TJP2: variants seen among roughly 807,000 people sequenced by gnomAD.
The protein encoded by TJP2 is tight junction protein 2.
A neutral mutation model predicts 133.1 loss-of-function variants in TJP2; 91 were observed. The observed-to-expected ratio is 0.68, with a 90% CI of 0.58 to 0.81. TJP2 has a LOEUF of 0.81. Ranked by LOEUF, TJP2 falls within the 40% of genes least tolerant of loss-of-function variation. The pLI, the probability that TJP2 is intolerant of heterozygous loss-of-function variation, is 0.00. For missense variants in TJP2, 1,541 were observed against 1,565.6 expected (o/e 0.98, Z 0.26); for synonymous variants, 592 against 583.4 (o/e 1.01, Z -0.21).
chr9:69,225,081 T>C (rs983138100), intron 5 of TJP2, among the ~76,000 whole-genome samples: 2 of 152,230 alleles, frequency 1.3e-5, no homozygotes, highest in African/African-American at 4.8e-5. Context: ...AGTTCATGCA[T>C]TGCATTTGGT....
intron 12 of TJP2, among the ~76,000 whole-genome samples, chr9:69,235,677 T>G (rs1033759317): frequency 3.3e-5 from 5 of 152,148 alleles, no homozygotes; most frequent in African/African-American, 1.2e-4. Context: ...GGCCCTCAAC[T>G]GATTGGATGA....
intron 1 of TJP2, among the ~76,000 whole-genome samples, chr9:69,137,262 TTTC>T (rs1458390441): frequency 8.7e-5 from 7 of 80,190 alleles, no homozygotes; most frequent in Admixed American, 2.7e-4. Context: ...TCTTTCTTTC[TTTC>T]TTTCTTTTTC....
At chr9:69,202,771 G>A (rs551046484) in intron 1 of TJP2, among the ~76,000 whole-genome samples, 2 of 152,146 alleles carry the variant, frequency 1.3e-5, no homozygotes, top group East Asian at 3.9e-4. Context: ...GGTGGAGGAG[G>A]TGAAGGGGAG....
chr9:69,253,069 G>A, intron 22 of TJP2, 169 bp downstream of exon 22: 1 of 660,136 alleles, frequency 1.5e-6, no homozygotes, highest in Non-Finnish European at 2.7e-6. Context: ...AGATTACAGA[G>A]TCAAAACTTA....
rs184271014 is a variant in TJP2 at position 69,254,526 on chromosome 9, C to T, written c.*152C>T. On this transcript the variant is annotated 3_prime_UTR_variant, in exon 23 of 23. Transcript: ENST00000377245. The stretch of plus-strand genomic sequence containing the variant: ...GTGTCCTCATGGAGAACCCAGGGGA[C>T]AGCTGGTGCAAATTCAGAACTGAGG... 1.0e-6 allele frequency: 1 copy of T among 969,014 alleles called. No individual in the cohort carries two copies. Among genetic ancestry groups the T allele is most frequent in the Non-Finnish European group, 1.6e-6 (1 of 632,618 alleles). The allele number at this position is 969,014 out of a possible 1,614,324, so 60.0% of individuals were successfully genotyped here. A position where few individuals can be genotyped will look rare whatever the true frequency, so the allele number is the denominator to read the frequency against.
At chr9:69,205,294 G>A in intron 1 of TJP2, 1 of 1,536,858 alleles carries the variant, frequency 6.5e-7, no homozygotes, top group Non-Finnish European at 8.7e-7. Flanking sequence ...GGAAGGGGAG[G>A]GAAGCAAAAC....
rs1322938620 is a variant in TJP2, at chr9:69,236,153, A to G, written c.1906A>G (p.Thr636Ala). 1 of 1,614,206 alleles carries G rather than the reference A, an allele frequency of 6.2e-7. No individual in the cohort carries two copies. Among genetic ancestry groups the G allele is most frequent in the African/African-American group, 1.3e-5 (1 of 75,050 alleles). Residue 636 changes from threonine (T) to alanine (A), a missense_variant, in exon 13 of 23, where the codon ACA (threonine) becomes GCA (alanine). Transcript: ENST00000377245. Reference sequence around the variant, plus strand: ...AGGGGAGGTCTTCCGAGTGGTAGACACACTGTATGACGGCAAGCTGGGCAA... The same window carrying G: ...AGGGGAGGTCTTCCGAGTGGTAGACGCACTGTATGACGGCAAGCTGGGCAA... ...TRGEVFRVVD[T>A]LYDGKLGNWL...
chr9:69,159,564 C>T (rs757713450), intron 2 of TJP2, among the ~76,000 whole-genome samples: 25 of 152,226 alleles, frequency 1.6e-4, no homozygotes, highest in Non-Finnish European at 2.8e-4. Context: ...CTTCTGATAG[C>T]TTTAGCTCAG....
At chr9:69,204,763 A>G (rs1320140178) in intron 1 of TJP2, 2 of 987,308 alleles carry the variant, frequency 2.0e-6, no homozygotes, top group Non-Finnish European at 2.4e-6. Flanking sequence ...CAGAGGGTCT[A>G]TACTGTATAA....
At chr9:69,170,406 T>C (rs1824615708), upstream of TJP2, among the ~76,000 whole-genome samples, 1 of 152,196 alleles carries the variant, frequency 6.6e-6, no homozygotes, top group Non-Finnish European at 1.5e-5. Context: ...TGTATAGACT[T>C]CCTTATTACA....
intron 6 of TJP2, 142 bp downstream of exon 6, chr9:69,225,549 C>T (rs555217696): frequency 2.6e-5 from 17 of 662,958 alleles, no homozygotes; most frequent in South Asian, 4.9e-5. Flanking sequence ...CATAATGAGA[C>T]GATTTTTATC....
chr9:69,218,340 G>A lies in TJP2; in HGVS notation c.323G>A (p.Ser108Asn), dbSNP rs758464014. The change falls in exon 4 of 23, where the codon AGT becomes AAT. Residue 108 changes from serine (S) to asparagine (N), a missense_variant. Coordinates refer to ENST00000377245, the MANE Select transcript of TJP2 (RefSeq NM_004817.4). ...TTTGCAGTTCAGCAGCTCAGAAAAAGTGGGAAGGTCGCTGCTATTGTAAGT... is the reference window on the plus strand; with the variant it reads ...TTTGCAGTTCAGCAGCTCAGAAAAAATGGGAAGGTCGCTGCTATTGTAAGT... Reference protein sequence around the residue: ...HSFAVQQLRKSGKVAAIVVKR... With the variant: ...HSFAVQQLRKNGKVAAIVVKR... 1 of 1,614,222 alleles carries A rather than the reference G, an allele frequency of 6.2e-7. No individual in the cohort carries two copies. Among genetic ancestry groups the A allele is most frequent in the Admixed American group, 1.7e-5 (1 of 60,020 alleles).
At chr9:69,198,893 G>C (rs1403687029) in intron 1 of TJP2, among the ~76,000 whole-genome samples, 2 of 152,230 alleles carry the variant, frequency 1.3e-5, no homozygotes, top group Non-Finnish European at 2.9e-5. Context: ...AGTTTGAATA[G>C]ACCACAGGTA....
Position 69,235,311 on chromosome 9 carries a change from ATTTATTTATTTAT to A in TJP2, c.1781-714_1781-702del, listed in dbSNP as rs1224403573. On this transcript the variant is annotated intron_variant, in intron 12 of 22. Transcript: ENST00000377245. ...CTCCTAATTTTTTATTTATTTATTT[ATTTATTTATTTAT>A]TTATTATTATTTTTTTGAGACGGAG... is the stretch of plus-strand genomic sequence containing the variant. Among the ~76,000 whole-genome samples, 15 of 67,646 alleles carry A rather than the reference ATTTATTTATTTAT, an allele frequency of 2.2e-4. No individual in the cohort carries two copies. In the South Asian group the frequency reaches 7.2e-3, roughly 33 times the overall value. The allele number at this position is 67,646 out of a possible 152,430, so 44.4% of individuals were successfully genotyped here. A position where few individuals can be genotyped will look rare whatever the true frequency, so the allele number is the denominator to read the frequency against.
intron 4 of TJP2, among the ~76,000 whole-genome samples, chr9:69,220,085 G>T (rs2133263446): frequency 6.6e-6 from 1 of 152,302 alleles, no homozygotes; most frequent in Middle Eastern, 3.4e-3. Flanking sequence ...GGGAGGCGGA[G>T]GTTGCAGTGA....
At chr9:69,249,315 G>C in intron 19 of TJP2, 60 bp from the exon 20 acceptor site, 1 of 1,556,624 alleles carries the variant, frequency 6.4e-7, no homozygotes, top group Non-Finnish European at 8.7e-7. Flanking sequence ...CAAAGCAGTC[G>C]AGTGCTCTGT....
chr9:69,215,125 C>A lies in TJP2; in HGVS notation c.115-1214C>A, dbSNP rs74443963. ...GTGGGAGCTAAACATTGGGTACACA[C>A]AGACACAAGGACAGGAACAGTAAAC... On this transcript the variant is annotated intron_variant, in intron 2 of 22. Coordinates refer to ENST00000377245, the MANE Select transcript of TJP2 (RefSeq NM_004817.4). Among the ~76,000 whole-genome samples, 1,481 of 152,184 alleles carry A rather than the reference C, an allele frequency of 9.7e-3. 19 individuals are homozygous for A. Among genetic ancestry groups the A allele is most frequent in the African/African-American group, 0.029 (1,210 of 41,516 alleles).
intron 17 of TJP2, among the ~76,000 whole-genome samples, chr9:69,243,837 T>C (rs1435147641): frequency 6.6e-6 from 1 of 152,156 alleles, no homozygotes; most frequent in Non-Finnish European, 1.5e-5. Flanking sequence ...CCGAGCCACG[T>C]GAAAAGCTTT....
intron 21 of TJP2, 91 bp from the exon 22 acceptor site, chr9:69,252,724 G>T: frequency 8.3e-7 from 1 of 1,202,960 alleles, no homozygotes; most frequent in South Asian, 1.3e-5. Context: ...GTAGGATATG[G>T]GGAAAGGGTG....
Sources: allele counts gnomAD v4.1 joint callset (sites outside exome capture counted in the v4.1 genomes callset), GRCh38; gene constraint gnomAD v4.1.1; transcripts MANE v1.5; gene names NCBI Gene and HGNC (gene_info 2026-07-23, HGNC 2026-07-21).